Variants in MYO10 observed in about 807,000 individuals in gnomAD.
The protein encoded by MYO10 is myosin X, also known as unconventional myosin-X.
Under a neutral mutation model 257.3 loss-of-function variants are expected in MYO10, and 133 were observed. That is an observed-to-expected ratio of 0.52 (90% CI 0.45 to 0.60). The LOEUF (loss-of-function observed/expected upper bound fraction) is 0.60. MYO10 is among the 20% of genes least tolerant of loss of function. The probability of loss-of-function intolerance (pLI) is 0.00; values close to 1 mark genes in which losing one functional copy is unlikely to be tolerated. For missense variants in MYO10, 2,399 were observed against 2,635.7 expected, an observed-to-expected ratio of 0.91 and a Z score of 1.97; for synonymous variants, 1,104 against 1,028.6, an observed-to-expected ratio of 1.07 and a Z score of -1.40.
intron 17 of MYO10, among the ~76,000 whole-genome samples, chr5:16,761,158 T>C (rs1056581628): frequency 3.3e-5 from 5 of 152,028 alleles, no homozygotes; most frequent in African/African-American, 1.2e-4. Flanking sequence ...GCTTGGCTAA[T>C]TTTTGTATTT....
chr5:16,798,851 G>A (rs760117375), intron 3 of MYO10, among the ~76,000 whole-genome samples: 25 of 152,104 alleles, frequency 1.6e-4, no homozygotes, highest in African/African-American at 5.1e-4. Flanking sequence ...TCAACACGGC[G>A]GGCTCAACTG....
intron 2 of MYO10, among the ~76,000 whole-genome samples, chr5:16,867,262 T>C (rs1744306614): frequency 6.6e-6 from 1 of 152,168 alleles, no homozygotes; most frequent in Non-Finnish European, 1.5e-5. Flanking sequence ...CAATTCTTCC[T>C]AATAATTCCT....
At chr5:16,927,560 G>A (rs747155899) in intron 1 of MYO10, among the ~76,000 whole-genome samples, 5 of 152,128 alleles carry the variant, frequency 3.3e-5, no homozygotes, top group Non-Finnish European at 7.3e-5. Flanking sequence ...TCCTGACCTC[G>A]TGATCCTCCT....
chr5:16,862,478 T>C (rs1167911061), intron 2 of MYO10, among the ~76,000 whole-genome samples: 2 of 152,218 alleles, frequency 1.3e-5, no homozygotes, highest in African/African-American at 4.8e-5. Flanking sequence ...AATGATGCTG[T>C]CTGATTCCCA....
At chr5:16,714,080 G>T (rs1455035649) in intron 19 of MYO10, among the ~76,000 whole-genome samples, 1 of 152,140 alleles carries the variant, frequency 6.6e-6, no homozygotes, top group African/African-American at 2.4e-5. Flanking sequence ...TTTCAAAAAG[G>T]TGGAAGCTGT....
intron 2 of MYO10, among the ~76,000 whole-genome samples, chr5:16,827,947 G>C (rs1021404752): frequency 2.0e-5 from 3 of 152,164 alleles, no homozygotes; most frequent in Non-Finnish European, 2.9e-5. Flanking sequence ...CACAGGGAGA[G>C]TTCAATTTCT....
At chr5:16,687,507 T>C (rs1323880281) in intron 28 of MYO10, among the ~76,000 whole-genome samples, 5 of 151,262 alleles carry the variant, frequency 3.3e-5, no homozygotes, top group African/African-American at 1.2e-4. Context: ...TGGGGGCTTA[T>C]AAGACACAAA....
At chr5:16,855,043 AC>A (rs2126739857) in intron 2 of MYO10, among the ~76,000 whole-genome samples, 1 of 148,498 alleles carries the variant, frequency 6.7e-6, no homozygotes, top group Non-Finnish European at 1.5e-5. Context: ...AAAAAAAAAA[AC>A]CAAAAAAACT....
At chr5:16,932,158 A>G (rs932378679) in intron 1 of MYO10, among the ~76,000 whole-genome samples, 2 of 152,264 alleles carry the variant, frequency 1.3e-5, no homozygotes, top group Admixed American at 1.3e-4. Context: ...CTTAAACATT[A>G]ATACCTGCTT....
rs70940395 is a variant in MYO10, at chr5:16,663,328, G to GTTTTTTTTTTTTTTTTTTTTT, written c.*3343_*3363dup. 2.6e-5 allele frequency: 2 copies of GTTTTTTTTTTTTTTTTTTTTT among 76,888 alleles called. No homozygotes were observed. The highest frequency in any genetic ancestry group is 1.5e-4 in the Admixed American group (1 of 6,870). The allele number at this position is 76,888 out of a possible 1,614,324, so 4.8% of individuals were successfully genotyped here. A position where few individuals can be genotyped will look rare whatever the true frequency, so the allele number is the denominator to read the frequency against. ...AAAAAGTAACATTTTACTTCTAGTT[G>GTTTTTTTTTTTTTTTTTTTTT]TTTTTTTTTTTTTTTTTTTTTTTTT... On this transcript the variant is annotated 3_prime_UTR_variant, in exon 41 of 41. Coordinates refer to ENST00000513610, the MANE Select transcript of MYO10 (RefSeq NM_012334.3).
At chr5:16,672,640 GCAATTT>G in intron 37 of MYO10, 43 bp downstream of exon 37, 1 of 1,608,172 alleles carries the variant, frequency 6.2e-7, no homozygotes, top group African/African-American at 1.3e-5. Context: ...ACCCTGCTCT[GCAATTT>G]CTCTTATTTG....
At chr5:16,667,249 G>A (rs1183976724) in intron 40 of MYO10, among the ~76,000 whole-genome samples, 1 of 152,124 alleles carries the variant, frequency 6.6e-6, no homozygotes, top group Non-Finnish European at 1.5e-5. Context: ...GGCCCCAGGG[G>A]CTGGGAGAGC....
At chr5:16,823,217 A>G (rs574135869) in intron 2 of MYO10, among the ~76,000 whole-genome samples, 2 of 150,236 alleles carry the variant, frequency 1.3e-5, no homozygotes, top group Non-Finnish European at 3.0e-5. Flanking sequence ...TGAGGCAGTC[A>G]GCAGATCACT....
At chr5:16,911,178 C>T (rs1410436673) in intron 1 of MYO10, among the ~76,000 whole-genome samples, 4 of 152,148 alleles carry the variant, frequency 2.6e-5, no homozygotes, top group African/African-American at 7.2e-5. Context: ...TAACAGAGAT[C>T]TATGAGGATC....
chr5:16,725,078 C>CTTTTTTTTTTTTTTT (rs34100971), intron 19 of MYO10, among the ~76,000 whole-genome samples: 1 of 74,890 alleles, frequency 1.3e-5, no homozygotes, highest in Non-Finnish European at 2.4e-5. Flanking sequence ...CCTTCTTCTT[C>CTTTTTTTTTTTTTTT]TTTTTTTTTT....
intron 17 of MYO10, among the ~76,000 whole-genome samples, chr5:16,759,714 G>A (rs915719294): frequency 6.6e-6 from 1 of 152,098 alleles, no homozygotes; most frequent in Non-Finnish European, 1.5e-5. Context: ...CATCAATACA[G>A]GGCTTTTATT....
intron 27 of MYO10, among the ~76,000 whole-genome samples, chr5:16,693,526 A>G (rs1561186304): frequency 6.6e-6 from 1 of 152,170 alleles, no homozygotes; most frequent in Non-Finnish European, 1.5e-5. Context: ...TTAACTTTCC[A>G]CTTTACAATG....
intron 1 of MYO10, among the ~76,000 whole-genome samples, chr5:16,878,001 T>C (rs1288950237): frequency 6.6e-6 from 1 of 152,140 alleles, no homozygotes. Context: ...TCATTTGAGA[T>C]GATGAAGCAG....
At chr5:16,851,870 A>G (rs571355021) in intron 2 of MYO10, among the ~76,000 whole-genome samples, 159 of 151,910 alleles carry the variant, frequency 1.0e-3, no homozygotes, top group African/African-American at 3.4e-3. Flanking sequence ...GGCCAACATG[A>G]TGAAACCCTG....
Sources: allele counts gnomAD v4.1 joint callset (sites outside exome capture counted in the v4.1 genomes callset), GRCh38; gene constraint gnomAD v4.1.1; transcripts MANE v1.5; gene names NCBI Gene and HGNC (gene_info 2026-07-23, HGNC 2026-07-21).